Variants in FKBP8 observed in about 807,000 individuals in gnomAD.
FKBP8 encodes FKBP prolyl isomerase 8, also known as peptidyl-prolyl cis-trans isomerase FKBP8.
Under a neutral mutation model 41.7 loss-of-function variants are expected in FKBP8, and 5 were observed. That is an observed-to-expected ratio of 0.12 (90% CI 0.06 to 0.25). The LOEUF (loss-of-function observed/expected upper bound fraction) is 0.25. Ranked by LOEUF, FKBP8 falls within the 10% of genes least tolerant of loss-of-function variation. FKBP8 has a pLI of 1.00. For missense variants in FKBP8, 397 were observed against 563.0 expected (o/e 0.71, Z 2.98); for synonymous variants, 279 against 254.5 (o/e 1.10, Z -0.92).
Position 18,538,522 on chromosome 19 carries a change from C to A in FKBP8, c.552-86G>T. On this transcript the variant is annotated intron_variant, in intron 4 of 8. Coordinates refer to ENST00000608443, the MANE Select transcript of FKBP8 (RefSeq NM_012181.5). This position sits in a 1 kb window ranked among gnomAD's most constrained non-coding sequence, Gnocchi z 4.0. ...GCTGGCTAGGAAGGAGTGAGCTTGG[C>A]TCAAGCCCCCGATCTGTCTCCCCTC... is the stretch of plus-strand genomic sequence containing the variant. 8.8e-7 allele frequency: 1 copy of A among 1,134,620 alleles called. No homozygotes were observed. The highest frequency in any genetic ancestry group is 1.2e-6 in the Non-Finnish European group (1 of 802,366). 70.3% of individuals were successfully genotyped at this position (1,134,620 alleles called of 1,614,324 possible).
At chr19:18,542,321 T>C (rs1323044188) in intron 1 of FKBP8, 2 of 250,074 alleles carry the variant, frequency 8.0e-6, no homozygotes, top group African/African-American at 4.5e-5. Context: ...GGCAAAGGCA[T>C]TTGCCCAAGG....
chr19:18,534,126 A>G (rs1047273414), intron 6 of FKBP8, among the ~76,000 whole-genome samples: 1 of 150,790 alleles, frequency 6.6e-6, no homozygotes, highest in African/African-American at 2.4e-5. Flanking sequence ...TAACATGGTG[A>G]AACTCCGTCT....
chr19:18,541,795 C>T lies in FKBP8; in HGVS notation c.176G>A (p.Gly59Glu). Residue 59 changes from glycine (G) to glutamate (E), a missense_variant, in exon 2 of 9, where the codon GGA becomes GAA. Transcript: ENST00000608443. The part of the protein sequence containing the change: ...LSELPPLEDM[G>E]QPPAEEAEQP... Reference sequence around the variant, plus strand: ...CTCAGCCTCCTCCGCCGGGGGTTGTCCCATGTCCTCCAGCGGTGGCAGCTC... The same window carrying T: ...CTCAGCCTCCTCCGCCGGGGGTTGTTCCATGTCCTCCAGCGGTGGCAGCTC... The T allele has an allele frequency of 6.2e-7, 1 of 1,613,904 alleles. No homozygotes were observed. The highest frequency in any genetic ancestry group is 8.5e-7 in the Non-Finnish European group (1 of 1,179,912).
In FKBP8 at chr19:18,532,147, G is replaced by GGGGTGGCA; in HGVS notation, c.*14_*21dup. 2 of 1,567,614 alleles carry GGGGTGGCA rather than the reference G, an allele frequency of 1.3e-6. No homozygotes were observed. The highest frequency in any genetic ancestry group is 1.7e-6 in the Non-Finnish European group (2 of 1,155,528). ...AGGGCAGGGTCCATGGTGTGCAGAG[G>GGGGTGGCA]GGGTGGCAGCCACCTAGGTGGTCAG... On this transcript the variant is annotated 3_prime_UTR_variant, in exon 9 of 9. Transcript: ENST00000608443.
intron 1 of FKBP8, chr19:18,543,254 C>G (rs1429536925): frequency 6.3e-6 from 1 of 157,830 alleles, no homozygotes; most frequent in Non-Finnish European, 1.3e-5. Flanking sequence ...ACGCCTCCAT[C>G]GGGACCCCCC....
At chr19:18,533,474 G>A (rs1183783997) in intron 6 of FKBP8, 127 bp from the exon 7 acceptor site, 2 of 534,444 alleles carry the variant, frequency 3.7e-6, no homozygotes, top group Non-Finnish European at 6.3e-6. Flanking sequence ...AACAGAGCAA[G>A]ACTCCATCTC....
chr19:18,539,586 G>A lies in FKBP8; in HGVS notation c.427C>T (p.Leu143=). 1 of 1,613,230 alleles carries A rather than the reference G, an allele frequency of 6.2e-7. No individual in the cohort carries two copies. Among genetic ancestry groups the A allele is most frequent in the East Asian group, 2.2e-5 (1 of 44,884 alleles). ...TCACAGTCACCCAGAGTGAACACCAGCTCCGGCTCCTCCTGCACCCGTGTG... is the reference window on the plus strand; with the variant it reads ...TCACAGTCACCCAGAGTGAACACCAACTCCGGCTCCTCCTGCACCCGTGTG... The part of the protein sequence containing the change: ...NGTRVQEEPE[L]VFTLGDCDVI... Residue 143 remains leucine, a synonymous_variant, in exon 3 of 9, where the codon CTG becomes TTG. Coordinates refer to ENST00000608443, the MANE Select transcript of FKBP8 (RefSeq NM_012181.5).
In FKBP8 at chr19:18,539,424, C is replaced by T. The variant is rs779615358; in HGVS notation, c.498G>A (p.Gly166=). Residue 166 remains glycine, a synonymous_variant, in exon 4 of 9, where the codon GGG becomes GGA. Transcript: ENST00000608443. ...AGTCAGCAGTGACCATGGCCGTCTC[C>T]CCCACGTCCATGAGTGGGACACTGA... is the stretch of plus-strand genomic sequence containing the variant. ...LDLSVPLMDV[G]ETAMVTADSK... 1 of 1,613,814 alleles carries T rather than the reference C, an allele frequency of 6.2e-7. No homozygotes were observed. The highest frequency in any genetic ancestry group is 8.5e-7 in the Non-Finnish European group (1 of 1,179,994).
chr19:18,542,982 T>TCCCACCC, intron 1 of FKBP8: 5 of 705,428 alleles, frequency 7.1e-6, no homozygotes, highest in Non-Finnish European at 8.9e-6. Context: ...CGGCCTCCCC[T>TCCCACCC]CCCACCCCCC....
At chr19:18,533,744 T>C (rs141599724) in intron 6 of FKBP8, among the ~76,000 whole-genome samples, 9,606 of 150,420 alleles carry the variant, frequency 0.064, 884 homozygotes, top group African/African-American at 0.21. Flanking sequence ...CAGTGGCTCA[T>C]GCCTGTAATC....
In FKBP8 at chr19:18,538,185, G is replaced by A. The variant is rs770554413; in HGVS notation, c.772+31C>T. On this transcript the variant is annotated intron_variant, in intron 5 of 8. Transcript: ENST00000608443. The surrounding 1 kb of genome is among the most constrained non-coding windows in gnomAD (Gnocchi z 4.0). ...GCACGGAGTGGACACCTTTGCAGGG[G>A]AGATGGTGGAGATCTGACCCAGGCG... The A allele has an allele frequency of 5.7e-6, 9 of 1,576,250 alleles. No individual in the cohort carries two copies. The South Asian group carries it at 5.8e-5, about 10-fold the overall frequency.
chr19:18,542,003 T>TG lies in FKBP8; in HGVS notation c.-25-9dup, dbSNP rs1422109634. 3.1e-6 allele frequency: 5 copies of TG among 1,603,334 alleles called. No homozygotes were observed. In the East Asian group the frequency reaches 9.0e-5, roughly 29 times the overall value. ...GGGGGACAGGAATTGGCCCTGGAAG[T>TG]GGGGGGCAGAGATGTGGGTCAGAAT... is the stretch of plus-strand genomic sequence containing the variant. On this transcript the variant is annotated splice_polypyrimidine_tract_variant and intron_variant, in intron 1 of 8. Coordinates refer to ENST00000608443, the MANE Select transcript of FKBP8 (RefSeq NM_012181.5).
rs564716614 is a variant in FKBP8, at chr19:18,538,177, T to C, written c.772+39A>G. ...AGTTTCTGGCACGGAGTGGACACCT[T>C]TGCAGGGGAGATGGTGGAGATCTGA... On this transcript the variant is annotated intron_variant, in intron 5 of 8. Coordinates refer to ENST00000608443, the MANE Select transcript of FKBP8 (RefSeq NM_012181.5). This position sits in a 1 kb window ranked among gnomAD's most constrained non-coding sequence, Gnocchi z 4.0. The C allele has an allele frequency of 2.5e-6, 4 of 1,568,796 alleles. No homozygotes were observed. The African/African-American group carries it at 4.0e-5, about 16-fold the overall frequency.
chr19:18,539,359 G>C lies in FKBP8; in HGVS notation c.551+12C>G. 6.2e-7 allele frequency: 1 copy of C among 1,608,522 alleles called. No homozygotes were observed. Among genetic ancestry groups the C allele is most frequent in the Non-Finnish European group, 8.5e-7 (1 of 1,177,260 alleles). On this transcript the variant is annotated intron_variant, in intron 4 of 8. Transcript: ENST00000608443. ...TGAGACCTGCAGAGACCTAAGGGTG[G>C]CTGACTCTCACCTGCCTTGGGGGCC...
intron 6 of FKBP8, among the ~76,000 whole-genome samples, chr19:18,536,440 C>A (rs568368870): frequency 1.9e-4 from 29 of 152,274 alleles, no homozygotes; most frequent in Non-Finnish European, 3.8e-4. Context: ...CTCACTGCAG[C>A]CTTGACCTTC....
intron 6 of FKBP8, among the ~76,000 whole-genome samples, chr19:18,533,849 A>G (rs1487210813): frequency 2.7e-5 from 4 of 150,934 alleles, no homozygotes; most frequent in African/African-American, 7.3e-5. Context: ...TACTAAAAAT[A>G]CAAAAAAAAT....
chr19:18,542,516 G>T, intron 1 of FKBP8: 1 of 179,188 alleles, frequency 5.6e-6, no homozygotes, highest in Non-Finnish European at 1.2e-5. Context: ...TTTTACCAGG[G>T]CCTCCCACCT....
Position 18,539,411 on chromosome 19 carries a change from C to A in FKBP8, c.511G>T (p.Val171Phe), listed in dbSNP as rs1199547679. The change falls in exon 4 of 9, where the codon GTC becomes TTC. Residue 171 changes from valine (V) to phenylalanine (F), a missense_variant. By Grantham distance (50) the Val-to-Phe change is conservative. Transcript: ENST00000608443. ...PLMDVGETAM[V>F]TADSKYCYGP... ...TAGCAGTACTTGGAGTCAGCAGTGA[C>A]CATGGCCGTCTCCCCCACGTCCATG... 6.2e-7 allele frequency: 1 copy of A among 1,613,556 alleles called. No individual in the cohort carries two copies. The highest frequency in any genetic ancestry group is 8.5e-7 in the Non-Finnish European group (1 of 1,180,010).
At chr19:18,541,270 ATT>A (rs1006102075) in intron 2 of FKBP8, among the ~76,000 whole-genome samples, 1 of 152,114 alleles carries the variant, frequency 6.6e-6, no homozygotes, top group Non-Finnish European at 1.5e-5. Context: ...CCCAGAACAC[ATT>A]TTTTGTTTTG....
Sources: gnomAD v4.1 joint callset for allele counts (sites outside exome capture counted in the v4.1 genomes callset) on GRCh38, gnomAD v4.1.1 for gene constraint, Gnocchi (gnomAD v3.1) non-coding constraint, MANE v1.5 for transcripts, NCBI Gene and HGNC (gene_info 2026-07-23, HGNC 2026-07-21) for gene names.